The following CAMSAP2 variants were observed in gnomAD, a reference collection of about 807,000 sequenced individuals.
CAMSAP2 encodes the protein calmodulin-regulated spectrin-associated protein 2.
A neutral mutation model predicts 146.1 loss-of-function variants in CAMSAP2; 26 were observed. That is an observed-to-expected ratio of 0.18 (90% CI 0.13 to 0.25). The LOEUF is 0.25. Among genes scored for constraint, CAMSAP2 ranks in the 10% least tolerant of loss-of-function variants. The probability of loss-of-function intolerance (pLI) is 1.00; values close to 1 mark genes in which losing one functional copy is unlikely to be tolerated. For synonymous variants in CAMSAP2, 499 were observed against 596.6 expected, an observed-to-expected ratio of 0.84 and a Z score of 2.38; for missense variants, 1,381 against 1,759.3, an observed-to-expected ratio of 0.78 and a Z score of 3.85.
At chr1:200,795,810 C>G (rs1665869807) in intron 2 of CAMSAP2, among the ~76,000 whole-genome samples, 1 of 152,170 alleles carries the variant, frequency 6.6e-6, no homozygotes, top group East Asian at 1.9e-4. Flanking sequence ...AAAGAGAACT[C>G]TCAACTACTT....
chr1:200,842,076 G>A lies in CAMSAP2; in HGVS notation c.1010G>A (p.Arg337His), dbSNP rs150405321. 1.6e-5 allele frequency: 25 copies of A among 1,612,220 alleles called. No homozygotes were observed. The highest frequency in any genetic ancestry group is 7.7e-5 in the South Asian group (7 of 91,040). ...TCTTTTGTACAGCCTCGTGTTGTTC[G>A]TCCACAAGGAGGTAATCAATCTTTT... Reference protein sequence around the residue: ...KPSFVQPRVVRPQGAEPVKDM... With the variant: ...KPSFVQPRVVHPQGAEPVKDM... The change falls in exon 7 of 17, where the codon CGT becomes CAT. Residue 337 changes from arginine (R) to histidine (H), a missense_variant. Physicochemically the swap from Arg to His is conservative, Grantham distance 29. Around this residue, in one of 4 missense-constraint regions of CAMSAP2, gnomAD observed 447 missense variants for 462.2 expected, o/e 0.97. Coordinates refer to ENST00000358823, the MANE Select transcript of CAMSAP2 (RefSeq NM_203459.4).
rs190089535 is a variant in CAMSAP2, at chr1:200,850,694, C to T, written c.3465+460C>T. Among the ~76,000 whole-genome samples the T allele has an allele frequency of 2.0e-5, 3 of 152,220 alleles. No homozygotes were observed. The East Asian group carries it at 5.8e-4, about 29-fold the overall frequency. Reference sequence around the variant, plus strand: ...ATCATTAGTATAAAACAGGCAGTACCTCTGTTGCTTCATTTCTATTCCATT... The same window carrying T: ...ATCATTAGTATAAAACAGGCAGTACTTCTGTTGCTTCATTTCTATTCCATT... On this transcript the variant is annotated intron_variant, in intron 11 of 16. Transcript: ENST00000358823.
chr1:200,770,817 C>G (rs889694508), intron 2 of CAMSAP2, among the ~76,000 whole-genome samples: 1 of 152,064 alleles, frequency 6.6e-6, no homozygotes, highest in Non-Finnish European at 1.5e-5. Context: ...ATTACCATCT[C>G]TTTTTTCACA....
chr1:200,763,431 C>T (rs1001104230), intron 2 of CAMSAP2, among the ~76,000 whole-genome samples: 3 of 151,820 alleles, frequency 2.0e-5, no homozygotes, highest in African/African-American at 7.3e-5. Context: ...CCCAGTTACT[C>T]GGGAGGCTGA....
chr1:200,784,900 G>A (rs1317739669), intron 2 of CAMSAP2, among the ~76,000 whole-genome samples: 1 of 152,130 alleles, frequency 6.6e-6, no homozygotes. Context: ...TCTTTTTCGG[G>A]TTAAGGGAGT....
At chr1:200,779,719 G>C (rs1253623172) in intron 2 of CAMSAP2, among the ~76,000 whole-genome samples, 1 of 152,046 alleles carries the variant, frequency 6.6e-6, no homozygotes, top group Non-Finnish European at 1.5e-5. Context: ...GAATCTTCTT[G>C]TTCTATGAAA....
intron 2 of CAMSAP2, among the ~76,000 whole-genome samples, chr1:200,794,851 C>T (rs1022655518): frequency 2.0e-5 from 3 of 152,226 alleles, no homozygotes; most frequent in Non-Finnish European, 4.4e-5. Flanking sequence ...GATGAGTCTG[C>T]CTGGGCAGTC....
intron 2 of CAMSAP2, among the ~76,000 whole-genome samples, chr1:200,787,468 C>T (rs948442264): frequency 3.9e-5 from 6 of 152,140 alleles, no homozygotes; most frequent in Middle Eastern, 3.4e-3. Context: ...AAGTGAAGCC[C>T]GGAGATAGGA....
chr1:200,847,804 CTT>C, intron 10 of CAMSAP2, 95 bp downstream of exon 10: 1 of 1,142,146 alleles, frequency 8.8e-7, no homozygotes, highest in Non-Finnish European at 1.3e-6. Flanking sequence ...ATTGCTAAAA[CTT>C]TTAATTAGTT....
chr1:200,765,339 C>T (rs1161750295), intron 2 of CAMSAP2, among the ~76,000 whole-genome samples: 3 of 152,114 alleles, frequency 2.0e-5, no homozygotes, highest in Admixed American at 2.0e-4. Flanking sequence ...AAGCAATTCT[C>T]CTGCCTCAGC....
At chr1:200,747,558 T>C (rs1664370078) in intron 1 of CAMSAP2, among the ~76,000 whole-genome samples, 1 of 150,844 alleles carries the variant, frequency 6.6e-6, no homozygotes, top group South Asian at 2.1e-4. Context: ...AATTGGCTAA[T>C]AGTAAAGAGG....
chr1:200,803,618 TAA>T (rs59144711), intron 2 of CAMSAP2, among the ~76,000 whole-genome samples: 1 of 139,444 alleles, frequency 7.2e-6, no homozygotes. Context: ...AGTTAAGAAG[TAA>T]AAAAAAAAAA....
chr1:200,817,233 T>TAC (rs1166145429), intron 4 of CAMSAP2, among the ~76,000 whole-genome samples: 1 of 46,488 alleles, frequency 2.2e-5, no homozygotes, highest in South Asian at 1.6e-3. Flanking sequence ...TGTGTGTATA[T>TAC]ACACACATAC....
chr1:200,788,420 A>C (rs572440926), intron 2 of CAMSAP2, among the ~76,000 whole-genome samples: 6 of 152,124 alleles, frequency 3.9e-5, no homozygotes, highest in African/African-American at 1.4e-4. Context: ...GCTGGATCAT[A>C]GAGTAATAAT....
chr1:200,829,756 A>G (rs187354482), intron 4 of CAMSAP2, among the ~76,000 whole-genome samples: 426 of 152,176 alleles, frequency 2.8e-3, no homozygotes, highest in African/African-American at 9.4e-3. Context: ...GCAAAACCTC[A>G]TCTCTACAAA....
chr1:200,767,447 A>C (rs2103009006), intron 2 of CAMSAP2, among the ~76,000 whole-genome samples: 1 of 150,932 alleles, frequency 6.6e-6, no homozygotes, highest in South Asian at 2.1e-4. Flanking sequence ...AGAACAGAGA[A>C]GCTGATCCCA....
At chr1:200,751,403 G>T (rs1017825275) in intron 1 of CAMSAP2, among the ~76,000 whole-genome samples, 2 of 151,694 alleles carry the variant, frequency 1.3e-5, no homozygotes, top group African/African-American at 4.8e-5. Context: ...GGGTGTGGTG[G>T]TGGGCACCTG....
chr1:200,843,114 GC>G (rs1360508845), intron 7 of CAMSAP2, among the ~76,000 whole-genome samples: 14 of 152,138 alleles, frequency 9.2e-5, no homozygotes, highest in African/African-American at 3.4e-4. Flanking sequence ...ACCAATAGCT[GC>G]CCTACCCAAC....
At position 200,852,640 on chromosome 1, in the gene CAMSAP2, T is replaced by C; in HGVS notation, c.3565T>C (p.Leu1189=). ...EKETQLRKQQ[L]EAEMEHKKEE... is the part of the protein sequence containing the mutation. ...GGAAACTCAGCTCCGGAAACAACAGTTGGAAGCAGAAATGGAGCATAAGAA... is the reference window on the plus strand; with the variant it reads ...GGAAACTCAGCTCCGGAAACAACAGCTGGAAGCAGAAATGGAGCATAAGAA... The change falls in exon 12 of 17, where the codon TTG becomes CTG. Residue 1189 remains leucine, a synonymous_variant. Transcript: ENST00000358823. 6.2e-7 allele frequency: 1 copy of C among 1,613,688 alleles called. No homozygotes were observed. The highest frequency in any genetic ancestry group is 1.1e-5 in the South Asian group (1 of 91,036).
Sources: allele counts gnomAD v4.1 joint callset (sites outside exome capture counted in the v4.1 genomes callset), GRCh38; gene constraint gnomAD v4.1.1; regional missense constraint gnomAD v4.1.1; transcripts MANE v1.5; gene names NCBI Gene and HGNC (gene_info 2026-07-23, HGNC 2026-07-21).